The following MACROD2 variants were observed in gnomAD, a reference collection of about 807,000 sequenced individuals.
The protein encoded by MACROD2 is ADP-ribose glycohydrolase MACROD2.
A neutral mutation model predicts 70.4 loss-of-function variants in MACROD2; 36 were observed. That is an observed-to-expected ratio of 0.51 (90% CI 0.39 to 0.68). The LOEUF (loss-of-function observed/expected upper bound fraction) is 0.68. Among genes scored for constraint, MACROD2 ranks in the 30% least tolerant of loss-of-function variants. The pLI is 0.00. For missense variants in MACROD2, 496 were observed against 538.4 expected (o/e 0.92, Z 0.78); for synonymous variants, 172 against 178.8 (o/e 0.96, Z 0.30).
At chr20:14,291,794 T>G (rs985563934) in intron 3 of MACROD2, among the ~76,000 whole-genome samples, 1 of 151,890 alleles carries the variant, frequency 6.6e-6, no homozygotes, top group Non-Finnish European at 1.5e-5. Context: ...CTCTCATATT[T>G]TAGGAATGTA....
chr20:14,431,997 T>C (rs1042883304), intron 3 of MACROD2, among the ~76,000 whole-genome samples: 3 of 152,182 alleles, frequency 2.0e-5, no homozygotes, highest in African/African-American at 7.2e-5. Flanking sequence ...ATGCTGACTA[T>C]CTGTTGTAAG....
At chr20:14,034,238 T>C (rs1339092810) in intron 2 of MACROD2, among the ~76,000 whole-genome samples, 3 of 152,340 alleles carry the variant, frequency 2.0e-5, no homozygotes, top group Middle Eastern at 3.4e-3. Flanking sequence ...CCTCCCAAAG[T>C]GCTGGGATTA....
At chr20:14,691,531 T>C (rs6034011) in intron 5 of MACROD2, among the ~76,000 whole-genome samples, 60,718 of 152,020 alleles carry the variant, frequency 0.4, 12,869 homozygotes, top group East Asian at 0.58. Context: ...AGAGTCAGTT[T>C]AAACCACCAG....
intron 3 of MACROD2, among the ~76,000 whole-genome samples, chr20:14,171,281 C>T (rs949383334): frequency 3.9e-5 from 6 of 152,160 alleles, no homozygotes; most frequent in African/African-American, 7.2e-5. Flanking sequence ...AATTAATTTT[C>T]GAATAACCAG....
intron 9 of MACROD2, among the ~76,000 whole-genome samples, chr20:15,882,894 G>C (rs2064774806): frequency 6.6e-6 from 1 of 151,946 alleles, no homozygotes; most frequent in East Asian, 1.9e-4. Flanking sequence ...TCAGTGTTAT[G>C]TTCTACATAC....
intron 5 of MACROD2, among the ~76,000 whole-genome samples, chr20:14,810,022 G>A (rs1020596951): frequency 1.3e-5 from 2 of 151,974 alleles, no homozygotes; most frequent in African/African-American, 4.8e-5. Context: ...AAGAGGAGCC[G>A]GTACCATTCC....
At chr20:15,159,937 G>A (rs1325361353) in intron 5 of MACROD2, among the ~76,000 whole-genome samples, 4 of 151,994 alleles carry the variant, frequency 2.6e-5, no homozygotes, top group Non-Finnish European at 4.4e-5. Context: ...GGAAGGAGAG[G>A]TATTTCAGGA....
chr20:14,804,424 A>G (rs1395963354), intron 5 of MACROD2, among the ~76,000 whole-genome samples: 6 of 152,058 alleles, frequency 3.9e-5, no homozygotes, highest in African/African-American at 1.5e-4. Flanking sequence ...CTCAGCATCT[A>G]GACAAATAGC....
At chr20:14,862,656 A>T (rs76068788) in intron 5 of MACROD2, among the ~76,000 whole-genome samples, 4 of 41,666 alleles carry the variant, frequency 9.6e-5, no homozygotes, top group East Asian at 5.9e-4. Context: ...TATATATATA[A>T]ATATATATAT....
At chr20:14,931,126 A>G (rs2074291960) in intron 5 of MACROD2, among the ~76,000 whole-genome samples, 1 of 152,178 alleles carries the variant, frequency 6.6e-6, no homozygotes, top group African/African-American at 2.4e-5. Context: ...CTTATTCAGA[A>G]TAAAATTTAG....
chr20:15,798,564 T>G (rs2063696326), intron 8 of MACROD2, among the ~76,000 whole-genome samples: 1 of 152,184 alleles, frequency 6.6e-6, no homozygotes, highest in African/African-American at 2.4e-5. Context: ...ACAAGCCTGC[T>G]CAAATTCAAA....
intron 2 of MACROD2, among the ~76,000 whole-genome samples, chr20:14,084,756 A>G (rs1252228218): frequency 6.6e-6 from 1 of 152,056 alleles, no homozygotes; most frequent in Non-Finnish European, 1.5e-5. Flanking sequence ...AAGGTAAAAT[A>G]CAATTTGATA....
intron 5 of MACROD2, among the ~76,000 whole-genome samples, chr20:14,964,450 G>A (rs1297726510): frequency 6.6e-6 from 1 of 152,014 alleles, no homozygotes; most frequent in African/African-American, 2.4e-5. Context: ...GCGGGCACCT[G>A]TAGTCCTAGC....
At chr20:16,005,680 T>C (rs1167184810) in intron 15 of MACROD2, among the ~76,000 whole-genome samples, 1 of 152,222 alleles carries the variant, frequency 6.6e-6, no homozygotes, top group African/African-American at 2.4e-5. Flanking sequence ...CTAATTCTCC[T>C]TTTCTCCCTC....
chr20:14,442,417 T>C (rs1007296045), intron 3 of MACROD2, among the ~76,000 whole-genome samples: 11 of 152,260 alleles, frequency 7.2e-5, no homozygotes, highest in African/African-American at 2.7e-4. Context: ...TCTGATTTTA[T>C]GAAATTATTA....
chr20:15,792,754 G>T lies in MACROD2; in HGVS notation c.646-69991G>T, dbSNP rs373284985. ...GCTCGACCTCTTTGTCAGACATTTAGGTCATATGCGCAGAAGTCTGGAATA... is the reference window on the plus strand; with the variant it reads ...GCTCGACCTCTTTGTCAGACATTTATGTCATATGCGCAGAAGTCTGGAATA... On this transcript the variant is annotated intron_variant, in intron 8 of 17. Transcript: ENST00000684519. 2.6e-5 allele frequency among the ~76,000 whole-genome samples: 4 copies of T among 152,244 alleles called. No homozygotes were observed. The East Asian group carries it at 7.7e-4, about 29-fold the overall frequency.
chr20:14,095,989 T>A (rs1224678103), intron 3 of MACROD2, among the ~76,000 whole-genome samples: 1 of 152,222 alleles, frequency 6.6e-6, no homozygotes, highest in East Asian at 1.9e-4. Flanking sequence ...ATTCCTCTTC[T>A]TTTCAAATTT....
intron 3 of MACROD2, among the ~76,000 whole-genome samples, chr20:14,456,348 G>A (rs1406806061): frequency 1.3e-5 from 2 of 151,682 alleles, no homozygotes; most frequent in Non-Finnish European, 2.9e-5. Context: ...ATTTTTTCTA[G>A]GCTGCTTTAT....
intron 4 of MACROD2, among the ~76,000 whole-genome samples, chr20:14,560,345 ACG>A (rs1199654077): frequency 4.7e-5 from 7 of 148,650 alleles, no homozygotes; most frequent in Non-Finnish European, 7.5e-5. Context: ...ACACAGGTGC[ACG>A]CATGTGTGTA....
Sources: gnomAD v4.1 joint callset for allele counts (sites outside exome capture counted in the v4.1 genomes callset) on GRCh38, gnomAD v4.1.1 for gene constraint, MANE v1.5 for transcripts, NCBI Gene and HGNC (gene_info 2026-07-23, HGNC 2026-07-21) for gene names.